Variants in ZNF480 observed in about 807,000 individuals in gnomAD.
The protein encoded by ZNF480 is zinc finger protein 480.
Under a neutral mutation model 14.4 loss-of-function variants are expected in ZNF480, and 15 were observed. The ratio of observed to expected loss-of-function variants is 1.04; its 90% CI spans 0.70 to 1.60. The LOEUF (loss-of-function observed/expected upper bound fraction) is 1.60. Among genes scored for constraint, ZNF480 ranks in the 40% most tolerant of loss-of-function variants. ZNF480 has a pLI of 0.00. For missense variants in ZNF480, 593 were observed against 629.7 expected (o/e 0.94, Z 0.62); for synonymous variants, 218 against 215.5 (o/e 1.01, Z -0.10).
chr19:52,301,665 T>C (rs1444074691), intron 2 of ZNF480: 2 of 152,178 alleles, frequency 1.3e-5, no homozygotes, highest in Non-Finnish European at 2.9e-5. Flanking sequence ...AGTCTGCTCT[T>C]TGTACTGTGG....
intron 2 of ZNF480, among the ~76,000 whole-genome samples, chr19:52,307,004 C>T (rs889977420): frequency 3.9e-5 from 6 of 152,092 alleles, no homozygotes; most frequent in Non-Finnish European, 5.9e-5. Context: ...GCAAGGAAAC[C>T]TTCTCTGTCA....
chr19:52,316,667 C>T (rs189106044), intron 4 of ZNF480, among the ~76,000 whole-genome samples: 18 of 152,034 alleles, frequency 1.2e-4, no homozygotes, highest in Admixed American at 9.2e-4. Context: ...TTTTTTATTT[C>T]GAATTTAGAT....
intron 1 of ZNF480, among the ~76,000 whole-genome samples, chr19:52,299,930 G>A (rs913969259): frequency 2.6e-5 from 4 of 152,248 alleles, no homozygotes; most frequent in African/African-American, 9.6e-5. Context: ...GTTCAGTACT[G>A]TTTGAAGTTC....
chr19:52,321,239 T>G, intron 4 of ZNF480, among the ~76,000 whole-genome samples: 1 of 152,200 alleles, frequency 6.6e-6, no homozygotes, highest in Non-Finnish European at 1.5e-5. Flanking sequence ...CCTAGCTTTG[T>G]GCATGTACTG....
intron 4 of ZNF480, 150 bp downstream of exon 4, chr19:52,316,112 GAC>G: frequency 4.6e-6 from 3 of 658,640 alleles, no homozygotes; most frequent in Non-Finnish European, 6.8e-6. Context: ...GAGCCTGAGA[GAC>G]AGAGCGAGAC....
Position 52,321,845 on chromosome 19 carries a change from A to G in ZNF480, c.595A>G (p.Arg199Gly), listed in dbSNP as rs147866378. ...FLPQEQKVHL[R>G]EKPYECNEHS... Reference sequence around the variant, plus strand: ...CCCACAAGAACAGAAAGTACACCTTAGAGAAAAACCTTATGAATGTAATGA... The same window carrying G: ...CCCACAAGAACAGAAAGTACACCTTGGAGAAAAACCTTATGAATGTAATGA... The change falls in exon 5 of 5, where the codon AGA becomes GGA. Residue 199 changes from arginine to glycine, a missense_variant. Arg to Gly is a moderately radical substitution (Grantham distance 125, BLOSUM62 -2). Coordinates refer to ENST00000595962, the MANE Select transcript of ZNF480 (RefSeq NM_144684.4). 6.2e-7 allele frequency: 1 copy of G among 1,614,038 alleles called. No homozygotes were observed. The highest frequency in any genetic ancestry group is 1.3e-5 in the African/African-American group (1 of 74,944).
intron 1 of ZNF480, among the ~76,000 whole-genome samples, chr19:52,298,753 A>C (rs1310136419): frequency 6.6e-6 from 1 of 152,002 alleles, no homozygotes; most frequent in African/African-American, 2.4e-5. Context: ...GAAGAGAAGG[A>C]ATAGAAGGAA....
chr19:52,300,854 A>G (rs770575463), intron 2 of ZNF480: 13 of 261,482 alleles, frequency 5.0e-5, no homozygotes, highest in Non-Finnish European at 8.9e-5. Flanking sequence ...CATTCTTAGC[A>G]AGGAGTAGAG....
intron 1 of ZNF480, among the ~76,000 whole-genome samples, chr19:52,298,522 T>G (rs1319899408): frequency 6.6e-6 from 1 of 151,600 alleles, no homozygotes; most frequent in Non-Finnish European, 1.5e-5. Flanking sequence ...TCCCAGCTAC[T>G]CAGGAGGCTG....
chr19:52,301,743 T>C (rs1206827764), intron 2 of ZNF480: 1 of 152,088 alleles, frequency 6.6e-6, no homozygotes, highest in Non-Finnish European at 1.5e-5. Flanking sequence ...TGATTAAAAT[T>C]AAAGTGGCAA....
rs1183213054 is a variant in ZNF480 at position 52,314,210 on chromosome 19, C to T, written c.130C>T (p.Leu44=). The T allele has an allele frequency of 6.3e-7, 1 of 1,585,142 alleles. No homozygotes were observed. The highest frequency in any genetic ancestry group is 1.7e-5 in the Admixed American group (1 of 58,988). Reference sequence around the variant, plus strand: ...ATTCTCTCAGGCGGAGTGGAAATGCCTGGACCCTGCACAGAGGGCTTTATA... The same window carrying T: ...ATTCTCTCAGGCGGAGTGGAAATGCTTGGACCCTGCACAGAGGGCTTTATA... ...IEFSQAEWKC[L]DPAQRALYKD... is the part of the protein sequence containing the mutation. Residue 44 remains leucine, a synonymous_variant, in exon 3 of 5, where the codon CTG becomes TTG. Transcript: ENST00000595962.
intron 4 of ZNF480, among the ~76,000 whole-genome samples, chr19:52,318,785 A>C (rs1983672787): frequency 6.6e-6 from 1 of 151,920 alleles, no homozygotes; most frequent in African/African-American, 2.4e-5. Context: ...TCCTTGTTAC[A>C]TGGTCTTGAC....
intron 2 of ZNF480, among the ~76,000 whole-genome samples, chr19:52,307,073 G>A (rs1406126351): frequency 6.6e-6 from 1 of 151,998 alleles, no homozygotes; most frequent in Non-Finnish European, 1.5e-5. Context: ...CTTATCATCT[G>A]TGTGGAAAGG....
At chr19:52,300,170 G>C (rs1201626342) in intron 1 of ZNF480, among the ~76,000 whole-genome samples, 1 of 152,224 alleles carries the variant, frequency 6.6e-6, no homozygotes, top group Non-Finnish European at 1.5e-5. Context: ...CACTGCTGCA[G>C]CGTGCGTGTG....
Position 52,315,910 on chromosome 19 carries a change from G to A in ZNF480, c.276G>A (p.Val92=), listed in dbSNP as rs1983529955. Residue 92 remains valine, a synonymous_variant, in exon 4 of 5, where the codon GTG becomes GTA. Coordinates refer to ENST00000595962, the MANE Select transcript of ZNF480 (RefSeq NM_144684.4). The part of the protein sequence containing the change: ...RREPWSGESE[V]KIAKNSDGRE... ...AGCCCTGGTCTGGTGAGAGTGAAGT[G>A]AAAATAGCAAAAAATTCAGATGGGA... 23 of 1,612,746 alleles carry A rather than the reference G, an allele frequency of 1.4e-5. No homozygotes were observed. Among genetic ancestry groups the A allele is most frequent in the South Asian group, 2.2e-5 (2 of 90,956 alleles).
At chr19:52,314,353 G>A (rs1335726267) in intron 3 of ZNF480, 74 bp downstream of exon 3, 5 of 1,377,030 alleles carry the variant, frequency 3.6e-6, no homozygotes, top group African/African-American at 1.5e-5. Context: ...GTGCCTCCTG[G>A]GAGCCCCTGC....
chr19:52,301,723 A>G (rs1343772248), intron 2 of ZNF480: 1 of 152,216 alleles, frequency 6.6e-6, no homozygotes, highest in East Asian at 1.9e-4. Flanking sequence ...GACAGCAATC[A>G]ATCCCATAAT....
chr19:52,315,822 T>G lies in ZNF480; in HGVS notation c.200-12T>G. ...TGCTACAGCACATTTTGATTTTTTTTTTTACAAACAGGAATCTCTCTTCCT... is the reference window on the plus strand; with the variant it reads ...TGCTACAGCACATTTTGATTTTTTTGTTTACAAACAGGAATCTCTCTTCCT... On this transcript the variant is annotated splice_polypyrimidine_tract_variant and intron_variant, in intron 3 of 4. Transcript: ENST00000595962. The G allele has an allele frequency of 6.2e-7, 1 of 1,602,550 alleles. No individual in the cohort carries two copies. The highest frequency in any genetic ancestry group is 8.5e-7 in the Non-Finnish European group (1 of 1,174,392).
chr19:52,320,738 C>T (rs911803063), intron 4 of ZNF480, among the ~76,000 whole-genome samples: 1 of 152,132 alleles, frequency 6.6e-6, no homozygotes. Flanking sequence ...TTGCAGTGAG[C>T]TGAGATTGCA....
Sources: gnomAD v4.1 joint callset for allele counts (sites outside exome capture counted in the v4.1 genomes callset) on GRCh38, gnomAD v4.1.1 for gene constraint, MANE v1.5 for transcripts, NCBI Gene and HGNC (gene_info 2026-07-23, HGNC 2026-07-21) for gene names.